The following KAZN variants were observed in gnomAD, a reference collection of about 807,000 sequenced individuals.
The protein encoded by KAZN is kazrin, periplakin interacting protein, also known as kazrin.
Under a neutral mutation model 87.4 loss-of-function variants are expected in KAZN, and 40 were observed. The ratio of observed to expected loss-of-function variants is 0.46; its 90% CI spans 0.36 to 0.60. The LOEUF (loss-of-function observed/expected upper bound fraction) is 0.60, where lower values mean the gene tolerates loss of function less well. Among genes scored for constraint, KAZN ranks in the 20% least tolerant of loss-of-function variants. KAZN has a pLI of 0.00. For synonymous variants in KAZN, 466 were observed against 458.3 expected, an observed-to-expected ratio of 1.02 and a Z score of -0.22; for missense variants, 898 against 1,073.9, an observed-to-expected ratio of 0.84 and a Z score of 2.29.
intron 1 of KAZN, among the ~76,000 whole-genome samples, chr1:14,635,814 A>T (rs1272488915): frequency 6.6e-6 from 1 of 152,174 alleles, no homozygotes; most frequent in Admixed American, 6.5e-5. Context: ...AGGCCCATAA[A>T]CACCTAAGAC....
At chr1:14,419,575 G>A (rs1665189262) in intron 2 of KAZN, among the ~76,000 whole-genome samples, 1 of 152,208 alleles carries the variant, frequency 6.6e-6, no homozygotes, top group African/African-American at 2.4e-5. Flanking sequence ...CAAGAACGAA[G>A]CCGTGGACCC....
At chr1:14,642,434 G>A (rs1275224478) in intron 1 of KAZN, among the ~76,000 whole-genome samples, 1 of 152,080 alleles carries the variant, frequency 6.6e-6, no homozygotes. Context: ...ACCATAGTGA[G>A]ATACCAACAC....
At chr1:14,232,387 C>G (rs1288660475) in intron 2 of KAZN, among the ~76,000 whole-genome samples, 1 of 152,130 alleles carries the variant, frequency 6.6e-6, no homozygotes, top group Non-Finnish European at 1.5e-5. Flanking sequence ...GTTTTAGACT[C>G]TTGCCAAAGC....
intron 1 of KAZN, among the ~76,000 whole-genome samples, chr1:14,042,092 T>C (rs9660152): frequency 0.62 from 93,776 of 151,990 alleles, 30,300 homozygotes; most frequent in African/African-American, 0.8. Context: ...TGTCTACTAC[T>C]TATTGTTTTC....
intron 2 of KAZN, among the ~76,000 whole-genome samples, chr1:14,223,527 T>A (rs1447424801): frequency 6.6e-6 from 1 of 152,192 alleles, no homozygotes; most frequent in Non-Finnish European, 1.5e-5. Flanking sequence ...CCTTTTGGTG[T>A]GACAGAACTC....
intron 1 of KAZN, among the ~76,000 whole-genome samples, chr1:14,794,953 G>T (rs549616718): frequency 6.6e-6 from 1 of 152,142 alleles, no homozygotes; most frequent in African/African-American, 2.4e-5. Flanking sequence ...TCTTTCTCCC[G>T]TGCTGGATGC....
chr1:14,489,528 G>A (rs527865187), intron 2 of KAZN, among the ~76,000 whole-genome samples: 9 of 152,064 alleles, frequency 5.9e-5, no homozygotes, highest in Non-Finnish European at 1.2e-4. Flanking sequence ...GAGGTCAGGA[G>A]TTCAAGAGCA....
At chr1:14,427,046 C>T (rs1253004296) in intron 2 of KAZN, among the ~76,000 whole-genome samples, 1 of 152,204 alleles carries the variant, frequency 6.6e-6, no homozygotes, top group Non-Finnish European at 1.5e-5. Context: ...GGCATTAACC[C>T]AGCAATCTCA....
At chr1:15,107,378 C>A (rs1335048226) in intron 13 of KAZN, among the ~76,000 whole-genome samples, 2 of 152,136 alleles carry the variant, frequency 1.3e-5, no homozygotes, top group Non-Finnish European at 2.9e-5. Flanking sequence ...GCTTTGGCTC[C>A]CATCCAGGCA....
intron 1 of KAZN, among the ~76,000 whole-genome samples, chr1:14,040,296 G>A (rs894788020): frequency 1.3e-5 from 2 of 152,068 alleles, no homozygotes; most frequent in African/African-American, 2.4e-5. Context: ...GAAGCTTCTC[G>A]GGGAGAAAAG....
intron 2 of KAZN, among the ~76,000 whole-genome samples, chr1:14,333,229 T>C (rs989176984): frequency 6.6e-6 from 1 of 152,236 alleles, no homozygotes; most frequent in Non-Finnish European, 1.5e-5. Context: ...TTCCTTTTTA[T>C]AGCTGCACAG....
chr1:14,531,421 A>G (rs1162875804), intron 2 of KAZN, among the ~76,000 whole-genome samples: 1 of 152,152 alleles, frequency 6.6e-6, no homozygotes, highest in Non-Finnish European at 1.5e-5. Context: ...AAACCCCACC[A>G]TCATTACTCT....
chr1:14,904,822 T>G (rs1459000993), intron 1 of KAZN, among the ~76,000 whole-genome samples: 1 of 151,840 alleles, frequency 6.6e-6, no homozygotes, highest in Non-Finnish European at 1.5e-5. Flanking sequence ...GATGCAGTGG[T>G]GCGATCTCCA....
chr1:14,601,107 C>CAT (rs1299323051), intron 1 of KAZN, among the ~76,000 whole-genome samples: 3 of 152,214 alleles, frequency 2.0e-5, no homozygotes, highest in African/African-American at 7.2e-5. Context: ...CAGCAGCTCC[C>CAT]ATACGCTCTC....
intron 13 of KAZN, among the ~76,000 whole-genome samples, chr1:15,109,822 GTATGTGTA>G (rs1641437889): frequency 6.9e-6 from 1 of 144,256 alleles, no homozygotes; most frequent in Non-Finnish European, 1.5e-5. Context: ...GTATGTGTAT[GTATGTGTA>G]TGTGGTGTTT....
intron 6 of KAZN, chr1:15,062,832 T>C (rs1267149462): frequency 6.6e-6 from 1 of 152,192 alleles, no homozygotes; most frequent in Admixed American, 6.5e-5. Flanking sequence ...AATGGAAATG[T>C]CCTACCTGCC....
chr1:14,143,470 G>A (rs145119564), intron 1 of KAZN, among the ~76,000 whole-genome samples: 10 of 152,264 alleles, frequency 6.6e-5, no homozygotes, highest in Middle Eastern at 3.4e-3. Flanking sequence ...ACTGTGAAAG[G>A]TAAGGGTTTA....
At chr1:14,453,503 T>C (rs1667396530) in intron 2 of KAZN, among the ~76,000 whole-genome samples, 1 of 152,182 alleles carries the variant, frequency 6.6e-6, no homozygotes, top group Non-Finnish European at 1.5e-5. Flanking sequence ...TGGGATACTA[T>C]GGATATAATG....
intron 2 of KAZN, among the ~76,000 whole-genome samples, chr1:14,483,682 T>C (rs1045532109): frequency 6.6e-6 from 1 of 152,252 alleles, no homozygotes; most frequent in African/African-American, 2.4e-5. Flanking sequence ...TATACATTTA[T>C]ACATTTGCAA....
Sources: allele counts gnomAD v4.1 joint callset (sites outside exome capture counted in the v4.1 genomes callset), GRCh38; gene constraint gnomAD v4.1.1; transcripts MANE v1.5; gene names NCBI Gene and HGNC (gene_info 2026-07-23, HGNC 2026-07-21).